Variants in WARS2 observed in about 807,000 individuals in gnomAD.
WARS2 encodes tryptophanyl tRNA synthetase 2, mitochondrial.
WARS2 carries 28 observed loss-of-function variants against 36.5 expected under a neutral mutation model. The observed-to-expected ratio is 0.77, with a 90% confidence interval of 0.57 to 1.05. The LOEUF (loss-of-function observed/expected upper bound fraction) is 1.05. WARS2 is among the 50% of genes least tolerant of loss of function. WARS2 has a pLI of 0.00. For synonymous variants in WARS2, 174 were observed against 178.4 expected, an observed-to-expected ratio of 0.98 and a Z score of 0.20; for missense variants, 435 against 456.8, an observed-to-expected ratio of 0.95 and a Z score of 0.44.
chr1:119,051,579 G>A (rs766789128), intron 2 of WARS2, among the ~76,000 whole-genome samples: 12 of 151,986 alleles, frequency 7.9e-5, no homozygotes, highest in Non-Finnish European at 1.3e-4. Flanking sequence ...TGGGTCGAAT[G>A]GTAGTCCTGT....
intron 2 of WARS2, chr1:119,064,895 A>G (rs937891023): frequency 6.6e-6 from 1 of 151,284 alleles, no homozygotes; most frequent in African/African-American, 2.5e-5. Context: ...ATAGTCATAA[A>G]CAATAAAAAA....
intron 2 of WARS2, among the ~76,000 whole-genome samples, chr1:119,054,772 T>C (rs2765533): frequency 0.32 from 48,325 of 152,062 alleles, 8,882 homozygotes; most frequent in African/African-American, 0.51. Context: ...TTGGAGGACA[T>C]TATACTAAAT....
intron 2 of WARS2, among the ~76,000 whole-genome samples, chr1:119,056,538 T>A (rs1334731842): frequency 1.5e-5 from 1 of 68,286 alleles, no homozygotes; most frequent in Non-Finnish European, 2.8e-5. Flanking sequence ...AAATATATAA[T>A]ATATATATAT....
intron 2 of WARS2, among the ~76,000 whole-genome samples, chr1:119,075,171 T>C (rs1440894161): frequency 6.6e-6 from 1 of 152,046 alleles, no homozygotes; most frequent in African/African-American, 2.4e-5. Context: ...TATACATATA[T>C]ATGAAATCAG....
chr1:119,101,895 T>C (rs1190184674), intron 1 of WARS2, among the ~76,000 whole-genome samples: 4 of 152,090 alleles, frequency 2.6e-5, no homozygotes, highest in African/African-American at 4.8e-5. Context: ...AATAAAATAT[T>C]ACCACTACCC....
chr1:119,129,539 T>A (rs1434450526), intron 1 of WARS2, among the ~76,000 whole-genome samples: 4 of 151,982 alleles, frequency 2.6e-5, no homozygotes, highest in Admixed American at 6.6e-5. Context: ...TGAGACCTTG[T>A]GTTTAATAAA....
intron 4 of WARS2, among the ~76,000 whole-genome samples, chr1:119,041,268 G>T (rs1648331665): frequency 6.6e-6 from 1 of 152,170 alleles, no homozygotes; most frequent in African/African-American, 2.4e-5. Flanking sequence ...ACAGTAGCAT[G>T]GCCCTAAGCA....
intron 1 of WARS2, chr1:119,085,010 A>G: frequency 1.6e-6 from 1 of 622,624 alleles, no homozygotes. Flanking sequence ...AGTGACGCCT[A>G]CAGTCACTGG....
At chr1:119,053,904 T>A (rs1186257746) in intron 2 of WARS2, among the ~76,000 whole-genome samples, 1 of 151,742 alleles carries the variant, frequency 6.6e-6, no homozygotes, top group Non-Finnish European at 1.5e-5. Context: ...AATTTTTTTT[T>A]AAATTAGCTA....
At chr1:119,068,189 C>T (rs956007062) in intron 2 of WARS2, among the ~76,000 whole-genome samples, 3 of 152,058 alleles carry the variant, frequency 2.0e-5, no homozygotes, top group Admixed American at 6.6e-5. Context: ...TTGTTGGTAG[C>T]GAACAACTTT....
At chr1:119,059,311 T>G (rs1650166101) in intron 2 of WARS2, among the ~76,000 whole-genome samples, 1 of 152,038 alleles carries the variant, frequency 6.6e-6, no homozygotes, top group Non-Finnish European at 1.5e-5. Context: ...TTAGTTTAAT[T>G]AGATCCCATT....
chr1:119,100,095 A>G (rs752284649), intron 1 of WARS2, among the ~76,000 whole-genome samples: 3 of 152,190 alleles, frequency 2.0e-5, no homozygotes, highest in Non-Finnish European at 4.4e-5. Context: ...ACTCAGCTCA[A>G]CAGCAAAACA....
At chr1:119,139,173 G>A (rs889236362) in intron 1 of WARS2, among the ~76,000 whole-genome samples, 1 of 152,160 alleles carries the variant, frequency 6.6e-6, no homozygotes, top group African/African-American at 2.4e-5. Flanking sequence ...ATTTCAAGGA[G>A]AGGAATTTTT....
rs587698497 is a variant in WARS2 at position 119,112,398 on chromosome 1, T to C, written c.90+28157A>G. 1.5e-4 allele frequency among the ~76,000 whole-genome samples: 23 copies of C among 152,174 alleles called. No individual in the cohort carries two copies. The South Asian group carries it at 4.8e-3, about 32-fold the overall frequency. On this transcript the variant is annotated intron_variant, in intron 1 of 5. Transcript: ENST00000235521. ...TTTTAATTGGGAAATATCAGAGCAG[T>C]TTTTATGGTGATGGAAATTACCCAG...
At chr1:119,034,290 T>C (rs1317727078) in intron 4 of WARS2, 77 bp from the exon 5 acceptor site, 2 of 1,162,200 alleles carry the variant, frequency 1.7e-6, no homozygotes, top group Non-Finnish European at 2.6e-6. Context: ...AGCAGCTGCA[T>C]TTCCTGTGAA....
chr1:119,061,080 T>A (rs1317445294), intron 2 of WARS2, among the ~76,000 whole-genome samples: 7 of 152,292 alleles, frequency 4.6e-5, no homozygotes, highest in South Asian at 2.1e-4. Flanking sequence ...GATTTTTATT[T>A]AAAGATATTC....
intron 2 of WARS2, among the ~76,000 whole-genome samples, chr1:119,070,170 A>G (rs182906702): frequency 3.9e-5 from 6 of 152,336 alleles, no homozygotes; most frequent in Admixed American, 3.9e-4. Flanking sequence ...TTTATTCATT[A>G]GTGAAAGATA....
intron 2 of WARS2, among the ~76,000 whole-genome samples, chr1:119,074,172 G>C (rs773445978): frequency 6.6e-6 from 1 of 152,206 alleles, no homozygotes; most frequent in Non-Finnish European, 1.5e-5. Context: ...ATGATGAACA[G>C]CTCTCCAACA....
chr1:119,119,306 A>G (rs1440573627), intron 1 of WARS2, among the ~76,000 whole-genome samples: 1 of 152,188 alleles, frequency 6.6e-6, no homozygotes, highest in Non-Finnish European at 1.5e-5. Context: ...AAGTAACAAC[A>G]GTTAAAAAAG....
Sources: gnomAD v4.1 joint callset for allele counts (sites outside exome capture counted in the v4.1 genomes callset) on GRCh38, gnomAD v4.1.1 for gene constraint, MANE v1.5 for transcripts, NCBI Gene and HGNC (gene_info 2026-07-23, HGNC 2026-07-21) for gene names.